Variants in CNKSR3 observed in about 807,000 individuals in gnomAD.
CNKSR3 encodes CNKSR family member 3.
In CNKSR3, 36 loss-of-function variants were observed where a neutral mutation model predicts 67.7. The observed-to-expected ratio is 0.53, with a 90% CI of 0.41 to 0.70. The LOEUF (loss-of-function observed/expected upper bound fraction) is 0.70. Among genes scored for constraint, CNKSR3 ranks in the 30% least tolerant of loss-of-function variants. The pLI is 0.00. For synonymous variants in CNKSR3, 281 were observed against 271.4 expected (o/e 1.04, Z -0.35); for missense variants, 630 against 695.2 (o/e 0.91, Z 1.05).
chr6:154,437,374 T>A (rs926133046), intron 4 of CNKSR3, among the ~76,000 whole-genome samples: 5 of 150,920 alleles, frequency 3.3e-5, no homozygotes, highest in South Asian at 2.1e-4. Flanking sequence ...AGCGCACAGA[T>A]GCACAAATAT....
In CNKSR3 at chr6:154,405,361, CATT is replaced by C. The variant is rs1784766115; in HGVS notation, c.*990_*992del. 1 of 152,540 alleles carries C rather than the reference CATT, an allele frequency of 6.6e-6. No homozygotes were observed. The highest frequency in any genetic ancestry group is 1.5e-5 in the Non-Finnish European group (1 of 68,028). The allele number at this position is 152,540 out of a possible 1,614,324, so 9.4% of individuals were successfully genotyped here. ...TTAAATTAACAAGATAGTACTTTTC[CATT>C]CTAACAAAATATCATACATTCAGTT... On this transcript the variant is annotated 3_prime_UTR_variant, in exon 13 of 13. Coordinates refer to ENST00000607772, the MANE Select transcript of CNKSR3 (RefSeq NM_173515.4).
At chr6:154,452,176 T>C (rs1785849066) in intron 1 of CNKSR3, among the ~76,000 whole-genome samples, 1 of 152,186 alleles carries the variant, frequency 6.6e-6, no homozygotes, top group African/African-American at 2.4e-5. Flanking sequence ...GGAGGATACA[T>C]AACCTGTCCA....
intron 12 of CNKSR3, among the ~76,000 whole-genome samples, chr6:154,408,069 G>T (rs1160654453): frequency 1.3e-5 from 2 of 152,036 alleles, no homozygotes; most frequent in Non-Finnish European, 2.9e-5. Flanking sequence ...CTGTTGCCCA[G>T]GCTGGAGTGC....
chr6:154,509,670 CCACA>C (rs921801720), intron 1 of CNKSR3, among the ~76,000 whole-genome samples: 1 of 152,162 alleles, frequency 6.6e-6, no homozygotes, highest in African/African-American at 2.4e-5. Flanking sequence ...CGGGAGTCAC[CCACA>C]CAAAGGCACC....
rs143936148 is a variant in CNKSR3, at chr6:154,414,322, C to T, written c.1047G>A (p.Pro349=). The T allele has an allele frequency of 3.4e-5, 55 of 1,607,730 alleles. No homozygotes were observed. Among genetic ancestry groups the T allele is most frequent in the African/African-American group, 1.7e-4 (13 of 74,664 alleles). ...ACCGGGGAGAGTAGGGAACAGCAGG[C>T]GGAGGAGGAATATAAAGATCCAGGA... ...SAILDLYIPP[P]PAVPYSPRDE... Residue 349 remains proline (P), a synonymous_variant, in exon 10 of 13, where the codon CCG becomes CCA. Transcript: ENST00000607772.
chr6:154,484,531 C>T (rs1314355921), intron 1 of CNKSR3, among the ~76,000 whole-genome samples: 1 of 151,954 alleles, frequency 6.6e-6, no homozygotes, highest in African/African-American at 2.4e-5. Flanking sequence ...TGGTGAAACC[C>T]CATCTCTACT....
In CNKSR3 at chr6:154,447,234, C is replaced by A. The variant is rs140081104; in HGVS notation, c.216+2861G>T. ...CAGATGAAAATGTTCTTTATCTGTGCTGTCCAATATCGTAGCCACTAGCCA... is the reference window on the plus strand; with the variant it reads ...CAGATGAAAATGTTCTTTATCTGTGATGTCCAATATCGTAGCCACTAGCCA... On this transcript the variant is annotated intron_variant, in intron 2 of 12. Coordinates refer to ENST00000607772, the MANE Select transcript of CNKSR3 (RefSeq NM_173515.4). Among the ~76,000 whole-genome samples, 146 of 152,244 alleles carry A rather than the reference C, an allele frequency of 9.6e-4. 1 individual carries two copies. The highest frequency in any genetic ancestry group is 7.8e-3 in the Admixed American group (119 of 15,286).
At chr6:154,479,950 G>A (rs1158707095) in intron 1 of CNKSR3, among the ~76,000 whole-genome samples, 1 of 152,200 alleles carries the variant, frequency 6.6e-6, no homozygotes, top group African/African-American at 2.4e-5. Flanking sequence ...TGAACAGACT[G>A]GGGGTTTAAC....
rs57943019 is a variant in CNKSR3, at chr6:154,411,633, C to CAAAAA, written c.1071-496_1071-492dup. Among the ~76,000 whole-genome samples the CAAAAA allele has an allele frequency of 3.6e-4, 37 of 103,298 alleles. 1 individual carries two copies. Among genetic ancestry groups the CAAAAA allele is most frequent in the Non-Finnish European group, 5.1e-4 (27 of 52,560 alleles). 67.8% of individuals were successfully genotyped at this position (103,298 alleles called of 152,430 possible). A position where few individuals can be genotyped will look rare whatever the true frequency, so the allele number is the denominator to read the frequency against. On this transcript the variant is annotated intron_variant, in intron 10 of 12. Transcript: ENST00000607772. ...TGGGCAATGGAGCGAGACTCCATCT[C>CAAAAA]AAAAAAAAAAAAAAAAAAAAAGAAG... is the stretch of plus-strand genomic sequence containing the variant.
intron 1 of CNKSR3, among the ~76,000 whole-genome samples, chr6:154,466,619 T>C (rs1786204777): frequency 6.6e-6 from 1 of 151,976 alleles, no homozygotes; most frequent in African/African-American, 2.4e-5. Flanking sequence ...ATTGCTTTTT[T>C]GGTTTTTGCT....
intron 1 of CNKSR3, among the ~76,000 whole-genome samples, chr6:154,474,429 G>A (rs534594471): frequency 1.1e-4 from 17 of 151,650 alleles, no homozygotes; most frequent in African/African-American, 3.9e-4. Flanking sequence ...AAAAAAGTGG[G>A]GGGGGGCAAT....
chr6:154,442,600 C>T (rs1785623180), intron 2 of CNKSR3, among the ~76,000 whole-genome samples: 1 of 152,132 alleles, frequency 6.6e-6, no homozygotes, highest in South Asian at 2.1e-4. Flanking sequence ...CCAGCCTGGG[C>T]AACAGAGGGA....
chr6:154,442,189 G>A lies in CNKSR3; in HGVS notation c.318C>T (p.Pro106=), dbSNP rs375057352. 5.6e-6 allele frequency: 9 copies of A among 1,614,026 alleles called. No individual in the cohort carries two copies. The African/African-American group carries it at 6.7e-5, about 12-fold the overall frequency. ...QNYISSRRKS[P]AYDGNTSRKA... is the part of the protein sequence containing the mutation. Reference sequence around the variant, plus strand: ...TGCGGGAGGTGTTGCCATCGTAAGCGGGACTTTTCCGTCGGCTACTTATGT... The same window carrying A: ...TGCGGGAGGTGTTGCCATCGTAAGCAGGACTTTTCCGTCGGCTACTTATGT... Residue 106 remains proline (P), a synonymous_variant, in exon 3 of 13, where the codon CCC becomes CCT. Coordinates refer to ENST00000607772, the MANE Select transcript of CNKSR3 (RefSeq NM_173515.4).
At chr6:154,436,022 C>T (rs776823953) in intron 4 of CNKSR3, among the ~76,000 whole-genome samples, 28 of 152,234 alleles carry the variant, frequency 1.8e-4, no homozygotes, top group Middle Eastern at 6.8e-3. Flanking sequence ...TGATGGCACG[C>T]GTCAAGCGTG....
At chr6:154,421,487 T>C (rs1295958091) in intron 9 of CNKSR3, among the ~76,000 whole-genome samples, 1 of 152,192 alleles carries the variant, frequency 6.6e-6, no homozygotes, top group African/African-American at 2.4e-5. Flanking sequence ...TAAAAGGGCA[T>C]TATAAGGTTA....
rs1470375814 is a variant in CNKSR3 at position 154,406,566 on chromosome 6, T to C, written c.1456A>G (p.Arg486Gly). 1 of 1,614,212 alleles carries C rather than the reference T, an allele frequency of 6.2e-7. No homozygotes were observed. The highest frequency in any genetic ancestry group is 8.5e-7 in the Non-Finnish European group (1 of 1,180,030). Reference protein sequence around the residue: ...ESSSPPYRFSRPTTERHLVRG... With the variant: ...ESSSPPYRFSGPTTERHLVRG... ...ACCAGATGCCGCTCGGTCGTGGGTC[T>C]GGAGAACCGGTATGGGGGAGAGGAG... The change falls in exon 13 of 13, where the codon AGA becomes GGA. Residue 486 changes from arginine to glycine, a missense_variant. Physicochemically the swap from Arg to Gly is moderately radical, Grantham distance 125. This residue lies in a region of CNKSR3 where 308 missense variants were observed against 299.6 expected (regional missense o/e 1.03). Transcript: ENST00000607772.
At chr6:154,471,494 C>T (rs773082882) in intron 1 of CNKSR3, among the ~76,000 whole-genome samples, 27 of 152,168 alleles carry the variant, frequency 1.8e-4, no homozygotes, top group Middle Eastern at 3.4e-3. Context: ...GAGCCAAGAT[C>T]GCATCATTGC....
chr6:154,423,409 G>A (rs1018586110), intron 7 of CNKSR3, among the ~76,000 whole-genome samples: 2 of 152,092 alleles, frequency 1.3e-5, no homozygotes, highest in African/African-American at 4.8e-5. Context: ...GATTACAGGT[G>A]GCTGCCACCA....
intron 10 of CNKSR3, 69 bp downstream of exon 10, chr6:154,414,230 T>C: frequency 6.7e-7 from 1 of 1,491,954 alleles, no homozygotes; most frequent in Admixed American, 2.4e-5. Flanking sequence ...AAGATCCTCT[T>C]TTCACACCAC....
Sources: gnomAD v4.1 joint callset for allele counts (sites outside exome capture counted in the v4.1 genomes callset) on GRCh38, gnomAD v4.1.1 for gene constraint, gnomAD v4.1.1 regional missense constraint, MANE v1.5 for transcripts, NCBI Gene and HGNC (gene_info 2026-07-23, HGNC 2026-07-21) for gene names.